The following ETV6 variants were observed in gnomAD, a reference collection of about 807,000 sequenced individuals.
The protein encoded by ETV6 is ETS variant transcription factor 6.
Under a neutral mutation model 51.1 loss-of-function variants are expected in ETV6, and 16 were observed. The ratio of observed to expected loss-of-function variants is 0.31; its 90% confidence interval spans 0.21 to 0.48. The LOEUF (loss-of-function observed/expected upper bound fraction) is 0.48, where lower values mean the gene tolerates loss of function less well. Ranked by LOEUF, ETV6 falls within the 20% of genes least tolerant of loss-of-function variation. The probability of loss-of-function intolerance (pLI) is 0.99; values close to 1 mark genes in which losing one functional copy is unlikely to be tolerated. For synonymous variants in ETV6, 240 were observed against 224.1 expected (o/e 1.07, Z -0.64); for missense variants, 458 against 594.8 (o/e 0.77, Z 2.39).
chr12:11,723,375 T>C (rs150942707), intron 1 of ETV6, among the ~76,000 whole-genome samples: 1 of 152,256 alleles, frequency 6.6e-6, no homozygotes, highest in Non-Finnish European at 1.5e-5. Flanking sequence ...CACAACGCAC[T>C]CTCCCTCCTT....
At chr12:11,699,959 C>G (rs1270315932) in intron 1 of ETV6, among the ~76,000 whole-genome samples, 1 of 152,152 alleles carries the variant, frequency 6.6e-6, no homozygotes, top group Non-Finnish European at 1.5e-5. Flanking sequence ...GTTGTTTCTC[C>G]TACTGCGTTT....
intron 1 of ETV6, among the ~76,000 whole-genome samples, chr12:11,749,143 C>T (rs906955426): frequency 2.6e-5 from 4 of 152,096 alleles, no homozygotes; most frequent in Non-Finnish European, 2.9e-5. Flanking sequence ...GTAACCACAT[C>T]ACGGCATTCT....
intron 2 of ETV6, among the ~76,000 whole-genome samples, chr12:11,777,049 T>C (rs1945336836): frequency 6.6e-6 from 1 of 152,120 alleles, no homozygotes; most frequent in Non-Finnish European, 1.5e-5. Context: ...CCATCCTGGC[T>C]AACACAGTGA....
intron 2 of ETV6, among the ~76,000 whole-genome samples, chr12:11,772,770 G>A (rs1463373520): frequency 6.6e-6 from 1 of 152,040 alleles, no homozygotes; most frequent in Non-Finnish European, 1.5e-5. Flanking sequence ...ATTCTCTCTG[G>A]TCTACCTTCA....
intron 2 of ETV6, among the ~76,000 whole-genome samples, chr12:11,836,143 A>G (rs1266012951): frequency 3.3e-5 from 5 of 152,330 alleles, no homozygotes; most frequent in Admixed American, 6.5e-5. Flanking sequence ...CTAACACACA[A>G]GGTCTTAAGG....
intron 7 of ETV6, among the ~76,000 whole-genome samples, chr12:11,887,023 G>A (rs1259028253): frequency 2.0e-5 from 3 of 152,122 alleles, no homozygotes; most frequent in Non-Finnish European, 4.4e-5. Flanking sequence ...TTAATTTATT[G>A]GAAAGAGCAG....
At chr12:11,796,709 T>C (rs969892814) in intron 2 of ETV6, among the ~76,000 whole-genome samples, 3 of 152,116 alleles carry the variant, frequency 2.0e-5, no homozygotes, top group Non-Finnish European at 2.9e-5. Flanking sequence ...CTATAAACTT[T>C]CCTTGTCTCT....
At position 11,751,385 on chromosome 12, in the gene ETV6, C is replaced by T. The variant is rs138496852; in HGVS notation, c.34-1065C>T. Reference sequence around the variant, plus strand: ...GCATCTTACTGGTCTTTCCTTTCCACCATATTTTTGGATGTTGTGTGTTCC... The same window carrying T: ...GCATCTTACTGGTCTTTCCTTTCCATCATATTTTTGGATGTTGTGTGTTCC... On this transcript the variant is annotated intron_variant, in intron 1 of 7. Coordinates refer to ENST00000396373, the MANE Select transcript of ETV6 (RefSeq NM_001987.5). 6.6e-4 allele frequency: 343 copies of T among 518,962 alleles called. 1 individual carries two copies. Among genetic ancestry groups the T allele is most frequent in the African/African-American group, 6.1e-3 (316 of 52,058 alleles). 32.1% of individuals were successfully genotyped at this position (518,962 alleles called of 1,614,324 possible).
rs906567851 is a variant in ETV6 at position 11,854,165 on chromosome 12, G to A, written c.463+604G>A. On this transcript the variant is annotated intron_variant, in intron 4 of 7. Coordinates refer to ENST00000396373, the MANE Select transcript of ETV6 (RefSeq NM_001987.5). The stretch of plus-strand genomic sequence containing the variant: ...TCATCAGCCATTAGATTCCCGTAAG[G>A]AGTGTGCAACTAGATCCCGCGCATG... Among the ~76,000 whole-genome samples the A allele has an allele frequency of 3.3e-5, 5 of 152,162 alleles. No individual in the cohort carries two copies. The South Asian group carries it at 1.0e-3, about 32-fold the overall frequency.
intron 4 of ETV6, among the ~76,000 whole-genome samples, chr12:11,860,656 T>C (rs1451958058): frequency 6.6e-6 from 1 of 152,056 alleles, no homozygotes; most frequent in Non-Finnish European, 1.5e-5. Context: ...TTATTCATTA[T>C]CATGATTCAA....
chr12:11,758,087 C>G (rs1252583442), intron 2 of ETV6, among the ~76,000 whole-genome samples: 1 of 152,174 alleles, frequency 6.6e-6, no homozygotes, highest in Admixed American at 6.5e-5. Flanking sequence ...CTTCTAGGAG[C>G]AGGGTCTCAC....
intron 2 of ETV6, among the ~76,000 whole-genome samples, chr12:11,759,058 G>C (rs1591654125): frequency 6.6e-6 from 1 of 152,070 alleles, no homozygotes; most frequent in Admixed American, 6.6e-5. Context: ...TCCTTTTTGG[G>C]TTTGCTGTCT....
Position 11,825,913 on chromosome 12 carries a change from C to T in ETV6, c.164-13227C>T, listed in dbSNP as rs1305785384. ...AGTGCAGTGGTATAATCATAGCTCA[C>T]TGCAGCCACTCCTAGGCTGAAGCAA... On this transcript the variant is annotated intron_variant, in intron 2 of 7. Coordinates refer to ENST00000396373, the MANE Select transcript of ETV6 (RefSeq NM_001987.5). Among the ~76,000 whole-genome samples, 7 of 149,368 alleles carry T rather than the reference C, an allele frequency of 4.7e-5. No individual in the cohort carries two copies. In the Admixed American group the frequency reaches 4.7e-4, roughly 10 times the overall value.
At chr12:11,660,922 C>A (rs1864090225) in intron 1 of ETV6, among the ~76,000 whole-genome samples, 1 of 152,186 alleles carries the variant, frequency 6.6e-6, no homozygotes, top group African/African-American at 2.4e-5. Flanking sequence ...ATACTCATAA[C>A]CCAAGTCCCT....
At chr12:11,799,455 C>G (rs2136400214) in intron 2 of ETV6, among the ~76,000 whole-genome samples, 1 of 152,308 alleles carries the variant, frequency 6.6e-6, no homozygotes, top group Non-Finnish European at 1.5e-5. Context: ...AGAATCCAGG[C>G]ATTGGAGTTG....
chr12:11,813,482 C>T (rs1190166051), intron 2 of ETV6, among the ~76,000 whole-genome samples: 5 of 152,182 alleles, frequency 3.3e-5, no homozygotes, highest in Non-Finnish European at 2.9e-5. Flanking sequence ...CTTTTCAGCT[C>T]ACAGCAGACG....
intron 2 of ETV6, among the ~76,000 whole-genome samples, chr12:11,783,365 G>T (rs1478255573): frequency 6.6e-6 from 1 of 152,168 alleles, no homozygotes; most frequent in Non-Finnish European, 1.5e-5. Context: ...TTCCAAGTAG[G>T]GAAGTCATCA....
chr12:11,811,452 T>C (rs1945912017), intron 2 of ETV6, among the ~76,000 whole-genome samples: 1 of 152,130 alleles, frequency 6.6e-6, no homozygotes, highest in Non-Finnish European at 1.5e-5. Context: ...CTTCCTTGGG[T>C]GCCTGGATTT....
At chr12:11,773,111 G>A (rs541264353) in intron 2 of ETV6, among the ~76,000 whole-genome samples, 21 of 150,994 alleles carry the variant, frequency 1.4e-4, no homozygotes, top group African/African-American at 4.4e-4. Context: ...GGAGAATGGC[G>A]TGAACCCGGG....
Sources: allele counts gnomAD v4.1 joint callset (sites outside exome capture counted in the v4.1 genomes callset), GRCh38; gene constraint gnomAD v4.1.1; transcripts MANE v1.5; gene names NCBI Gene and HGNC (gene_info 2026-07-23, HGNC 2026-07-21).